The following ZNF407 variants were observed in gnomAD, a reference collection of about 807,000 sequenced individuals.
ZNF407 encodes zinc finger protein 407.
A neutral mutation model predicts 131.2 loss-of-function variants in ZNF407; 17 were observed. That is an observed-to-expected ratio of 0.13 (90% CI 0.09 to 0.19). The LOEUF is 0.19. ZNF407 is among the 10% of genes least tolerant of loss of function. ZNF407 has a pLI of 1.00. For synonymous variants in ZNF407, 1,156 were observed against 1,062.0 expected, an observed-to-expected ratio of 1.09 and a Z score of -1.72; for missense variants, 2,681 against 2,830.6, an observed-to-expected ratio of 0.95 and a Z score of 1.20.
intron 4 of ZNF407, among the ~76,000 whole-genome samples, chr18:74,791,901 GTTTTCT>G (rs1445613553): frequency 7.9e-5 from 12 of 152,134 alleles, no homozygotes. Flanking sequence ...TTCATTGAGA[GTTTTCT>G]TTTTCATGAT....
intron 1 of ZNF407, among the ~76,000 whole-genome samples, chr18:74,623,100 G>T (rs1983615271): frequency 6.6e-6 from 1 of 151,880 alleles, no homozygotes; most frequent in African/African-American, 2.4e-5. Flanking sequence ...GTGAGTGCGT[G>T]TGTATCTGAG....
intron 4 of ZNF407, among the ~76,000 whole-genome samples, chr18:74,865,323 T>C (rs73474494): frequency 0.027 from 4,159 of 152,336 alleles, 98 homozygotes; most frequent in South Asian, 0.078. Context: ...GTTTTCTTTT[T>C]ATCATAATAT....
At chr18:75,021,454 G>C (rs1331655565) in intron 8 of ZNF407, among the ~76,000 whole-genome samples, 2 of 151,536 alleles carry the variant, frequency 1.3e-5, no homozygotes, top group Non-Finnish European at 1.5e-5. Context: ...TTTTTTTTTA[G>C]AGACAGGGTC....
At chr18:74,953,355 A>G (rs534434947) in intron 8 of ZNF407, among the ~76,000 whole-genome samples, 1 of 152,326 alleles carries the variant, frequency 6.6e-6, no homozygotes, top group Non-Finnish European at 1.5e-5. Context: ...AGCAGCAACC[A>G]ACGCCTTAAT....
intron 3 of ZNF407, among the ~76,000 whole-genome samples, chr18:74,754,217 A>G (rs1339235384): frequency 6.6e-6 from 1 of 151,812 alleles, no homozygotes; most frequent in African/African-American, 2.4e-5. Flanking sequence ...TTTTTATTAC[A>G]TCTATTTGAT....
At position 74,793,866 on chromosome 18, in the gene ZNF407, T is replaced by C. The variant is rs61314664; in HGVS notation, c.4877+12364T>C. The stretch of plus-strand genomic sequence containing the variant: ...TGAGTCAGCACGTACTCTTTGTAGA[T>C]GAGAGCAAGTCTTCTCAAATGGGGT... On this transcript the variant is annotated intron_variant, in intron 4 of 8. Coordinates refer to ENST00000299687, the MANE Select transcript of ZNF407 (RefSeq NM_017757.3). Among the ~76,000 whole-genome samples the C allele has an allele frequency of 5.6e-3, 852 of 152,292 alleles. 6 individuals are homozygous for C. Among genetic ancestry groups the C allele is most frequent in the African/African-American group, 0.02 (813 of 41,556 alleles).
intron 6 of ZNF407, among the ~76,000 whole-genome samples, chr18:74,885,804 C>T (rs1052609165): frequency 6.6e-6 from 1 of 152,100 alleles, no homozygotes; most frequent in Non-Finnish European, 1.5e-5. Context: ...GTACCGTATA[C>T]AAAAATTAAC....
chr18:75,002,438 T>G (rs2122162109), intron 8 of ZNF407, among the ~76,000 whole-genome samples: 1 of 152,088 alleles, frequency 6.6e-6, no homozygotes, highest in South Asian at 2.1e-4. Flanking sequence ...CAGTTCTCAT[T>G]AAATCACCTA....
At chr18:74,759,948 GTCTCTCTC>G (rs10662564) in intron 3 of ZNF407, among the ~76,000 whole-genome samples, 8 of 142,940 alleles carry the variant, frequency 5.6e-5, no homozygotes, top group Admixed American at 4.2e-4. Context: ...TACTTTACAT[GTCTCTCTC>G]TCTCTCTCTC....
chr18:74,621,685 G>A (rs1983516362), intron 1 of ZNF407, among the ~76,000 whole-genome samples: 1 of 152,198 alleles, frequency 6.6e-6, no homozygotes, highest in South Asian at 2.1e-4. Context: ...CCAGCATGCA[G>A]CATCCTCACT....
chr18:74,930,579 T>A (rs1429467397), intron 8 of ZNF407, among the ~76,000 whole-genome samples: 1 of 152,262 alleles, frequency 6.6e-6, no homozygotes, highest in South Asian at 2.1e-4. Context: ...ATTGGAATTA[T>A]TCTGTAAGGA....
At chr18:74,942,028 G>A (rs994361348) in intron 8 of ZNF407, among the ~76,000 whole-genome samples, 1 of 152,178 alleles carries the variant, frequency 6.6e-6, no homozygotes, top group South Asian at 2.1e-4. Context: ...GTTGAAGATC[G>A]CTGTGGTGTG....
At chr18:75,041,622 G>GCACACACACA (rs57989015) in intron 8 of ZNF407, among the ~76,000 whole-genome samples, 3 of 144,878 alleles carry the variant, frequency 2.1e-5, no homozygotes, top group Non-Finnish European at 4.5e-5. Flanking sequence ...GCATGCACGT[G>GCACACACACA]CACACACACA....
At chr18:74,732,794 A>G (rs1968324128) in intron 3 of ZNF407, among the ~76,000 whole-genome samples, 1 of 152,168 alleles carries the variant, frequency 6.6e-6, no homozygotes, top group African/African-American at 2.4e-5. Context: ...CATAGTGTTC[A>G]CTTTTCTCCA....
At chr18:74,950,078 A>G (rs1278213398) in intron 8 of ZNF407, among the ~76,000 whole-genome samples, 1 of 152,178 alleles carries the variant, frequency 6.6e-6, no homozygotes, top group Non-Finnish European at 1.5e-5. Flanking sequence ...CTGAATGGCC[A>G]TAAGACATCC....
intron 5 of ZNF407, among the ~76,000 whole-genome samples, chr18:74,879,524 T>A (rs1050670294): frequency 2.0e-5 from 3 of 152,212 alleles, no homozygotes; most frequent in African/African-American, 7.2e-5. Flanking sequence ...TCAGTGTTAT[T>A]TAATTGATAA....
chr18:74,860,299 A>T (rs1448117049), intron 4 of ZNF407, among the ~76,000 whole-genome samples: 1 of 148,078 alleles, frequency 6.8e-6, no homozygotes, highest in African/African-American at 2.5e-5. Context: ...CCCATCTCTT[A>T]AAAAAAACGA....
intron 8 of ZNF407, among the ~76,000 whole-genome samples, chr18:75,031,275 A>G (rs1973236907): frequency 6.6e-6 from 1 of 152,228 alleles, no homozygotes; most frequent in Non-Finnish European, 1.5e-5. Context: ...TTAAAGTGAT[A>G]ATGCAATGAG....
At chr18:74,777,915 T>C (rs1969507461) in intron 3 of ZNF407, among the ~76,000 whole-genome samples, 1 of 151,986 alleles carries the variant, frequency 6.6e-6, no homozygotes, top group Non-Finnish European at 1.5e-5. Context: ...GACCCCTGTC[T>C]CTACAAAAAA....
Sources: gnomAD v4.1 joint callset for allele counts (sites outside exome capture counted in the v4.1 genomes callset) on GRCh38, gnomAD v4.1.1 for gene constraint, MANE v1.5 for transcripts, NCBI Gene and HGNC (gene_info 2026-07-23, HGNC 2026-07-21) for gene names.